SPRYD7: variants seen among roughly 807,000 people sequenced by gnomAD.
SPRYD7 encodes the protein SPRY domain-containing protein 7.
In SPRYD7, 14 loss-of-function variants were observed where a neutral mutation model predicts 23.8. That is an observed-to-expected ratio of 0.59 (90% CI 0.39 to 0.92). The LOEUF is 0.92. Ranked by LOEUF, SPRYD7 falls within the 40% of genes least tolerant of loss-of-function variation. The pLI, the probability that SPRYD7 is intolerant of heterozygous loss-of-function variation, is 0.00. For synonymous variants in SPRYD7, 75 were observed against 84.9 expected (o/e 0.88, Z 0.64); for missense variants, 194 against 241.7 (o/e 0.80, Z 1.31).
rs916247228 is a variant in SPRYD7 at position 49,913,546 on chromosome 13, A to C, written c.*1517T>G. On this transcript the variant is annotated 3_prime_UTR_variant, in exon 5 of 5. Transcript: ENST00000361840. ...ATTTTATTTTAATTTTTTTTGAGAC[A>C]GAGTCTCACTCTGTTGCCTAGGCTG... 5.9e-5 allele frequency: 9 copies of C among 151,728 alleles called. No homozygotes were observed. The highest frequency in any genetic ancestry group is 1.3e-4 in the Admixed American group (2 of 15,248). The allele number at this position is 151,728 out of a possible 1,614,324, so 9.4% of individuals were successfully genotyped here.
intron 3 of SPRYD7, among the ~76,000 whole-genome samples, chr13:49,925,850 T>C (rs894435396): frequency 2.0e-5 from 3 of 151,714 alleles, no homozygotes; most frequent in Non-Finnish European, 4.4e-5. Context: ...GAGCATAAAC[T>C]GTTTCATGTA....
chr13:49,919,118 G>A (rs577641957), intron 4 of SPRYD7, among the ~76,000 whole-genome samples: 1 of 151,874 alleles, frequency 6.6e-6, no homozygotes, highest in African/African-American at 2.4e-5. Flanking sequence ...TTTACTTAAA[G>A]TTGATAATAC....
chr13:49,935,895 G>T (rs1409536762), intron 1 of SPRYD7: 2 of 341,316 alleles, frequency 5.9e-6, no homozygotes, highest in Non-Finnish European at 1.1e-5. Flanking sequence ...GAAAATGGGA[G>T]GTCCACACGC....
At chr13:49,927,316 GA>G (rs1198367750) in intron 3 of SPRYD7, among the ~76,000 whole-genome samples, 3 of 151,978 alleles carry the variant, frequency 2.0e-5, no homozygotes, top group Non-Finnish European at 4.4e-5. Flanking sequence ...CCAACATGGC[GA>G]AACCCCGTCT....
At chr13:49,925,365 C>T (rs1955870464) in intron 3 of SPRYD7, among the ~76,000 whole-genome samples, 1 of 152,064 alleles carries the variant, frequency 6.6e-6, no homozygotes, top group African/African-American at 2.4e-5. Context: ...GCAATCCAGC[C>T]TGGGCAACAG....
intron 3 of SPRYD7, among the ~76,000 whole-genome samples, chr13:49,927,404 G>T (rs1477159174): frequency 6.6e-6 from 1 of 151,784 alleles, no homozygotes. Context: ...GCTGAGGCCG[G>T]AGAATAGCTT....
intron 3 of SPRYD7, among the ~76,000 whole-genome samples, chr13:49,922,546 A>G (rs8000415): frequency 0.96 from 145,406 of 152,118 alleles, 69,825 homozygotes; most frequent in Middle Eastern, 1. Context: ...TTAAATCCAT[A>G]CAGTATGGTT....
At chr13:49,918,953 T>C (rs1955784503) in intron 4 of SPRYD7, among the ~76,000 whole-genome samples, 1 of 151,540 alleles carries the variant, frequency 6.6e-6, no homozygotes, top group African/African-American at 2.4e-5. Flanking sequence ...TGACATCAAG[T>C]GATCCACCGG....
chr13:49,933,834 G>T (rs1022881112), intron 1 of SPRYD7, among the ~76,000 whole-genome samples: 2 of 151,926 alleles, frequency 1.3e-5, no homozygotes, highest in Admixed American at 6.6e-5. Flanking sequence ...CCAAATGAGC[G>T]GTGTCCCTTT....
intron 2 of SPRYD7, among the ~76,000 whole-genome samples, chr13:49,929,506 G>T (rs1319042974): frequency 2.6e-5 from 4 of 151,656 alleles, no homozygotes; most frequent in Admixed American, 6.6e-5. Context: ...TTTTGTATTT[G>T]TTTTTTTGAG....
In SPRYD7 at chr13:49,936,129, C is replaced by A. The variant is rs1303039896; in HGVS notation, c.106+1G>T. 1.3e-6 allele frequency: 2 copies of A among 1,595,856 alleles called. No homozygotes were observed. The highest frequency in any genetic ancestry group is 1.8e-4 in the Middle Eastern group (1 of 5,578). ...GGGTCTGGGGAAGGGAGGGCCCTTACCCATGTGCTGCGTGTCCAGCTGCAC... is the reference window on the plus strand; with the variant it reads ...GGGTCTGGGGAAGGGAGGGCCCTTAACCATGTGCTGCGTGTCCAGCTGCAC... On this transcript the variant is annotated splice_donor_variant, in intron 1 of 4. Transcript: ENST00000361840. LOFTEE classifies it high-confidence loss of function.
Position 49,936,256 on chromosome 13 carries a change from CG to C in SPRYD7, c.-22del. 6.4e-7 allele frequency: 1 copy of C among 1,572,090 alleles called. No homozygotes were observed. Among genetic ancestry groups the C allele is most frequent in the Non-Finnish European group, 8.6e-7 (1 of 1,156,370 alleles). ...GCCATCGCGCAGGGACCACCGACTC[CG>C]CCGCCGTCCCTAGACCGAGGCGACA... is the stretch of plus-strand genomic sequence containing the variant. On this transcript the variant is annotated 5_prime_UTR_variant, in exon 1 of 5. Transcript: ENST00000361840.
chr13:49,915,795 T>A (rs1955745189), intron 4 of SPRYD7, among the ~76,000 whole-genome samples: 1 of 152,232 alleles, frequency 6.6e-6, no homozygotes, highest in African/African-American at 2.4e-5. Flanking sequence ...ACAACCCTAA[T>A]GTCCATCAAC....
Position 49,921,598 on chromosome 13 carries a change from GA to G in SPRYD7, c.391-19del. The G allele has an allele frequency of 6.8e-7, 1 of 1,479,392 alleles. No individual in the cohort carries two copies. Among genetic ancestry groups the G allele is most frequent in the Non-Finnish European group, 9.4e-7 (1 of 1,059,048 alleles). 91.6% of individuals were successfully genotyped at this position (1,479,392 alleles called of 1,614,324 possible). ...GTAATACCCTAGGAAGGAAAAAACA[GA>G]AACGTTCCATAAAAGCTGAGCCGTC... is the stretch of plus-strand genomic sequence containing the variant. On this transcript the variant is annotated intron_variant, in intron 3 of 4. Transcript: ENST00000361840.
Position 49,913,857 on chromosome 13 carries a change from T to C in SPRYD7, c.*1206A>G, listed in dbSNP as rs9568354. 0.58 allele frequency: 88,108 copies of C among 152,084 alleles called. 28,745 individuals carry two copies. The highest frequency in any genetic ancestry group is 0.76 in the Non-Finnish European group (51,795 of 67,994). 9.4% of individuals were successfully genotyped at this position (152,084 alleles called of 1,614,324 possible). Reference sequence around the variant, plus strand: ...CCTATGATTATTAAGGTGTTATATATGTATTACCTTATTTAATCATAGAAT... The same window carrying C: ...CCTATGATTATTAAGGTGTTATATACGTATTACCTTATTTAATCATAGAAT... On this transcript the variant is annotated 3_prime_UTR_variant, in exon 5 of 5. Transcript: ENST00000361840.
At chr13:49,926,931 A>C (rs1448089424) in intron 3 of SPRYD7, among the ~76,000 whole-genome samples, 1 of 152,210 alleles carries the variant, frequency 6.6e-6, no homozygotes, top group African/African-American at 2.4e-5. Flanking sequence ...AAGTATCTGG[A>C]AAAGACAGAA....
intron 4 of SPRYD7, among the ~76,000 whole-genome samples, chr13:49,917,442 T>C (rs1032830879): frequency 2.0e-5 from 3 of 152,192 alleles, no homozygotes; most frequent in Admixed American, 2.0e-4. Flanking sequence ...TTCAGTGTTA[T>C]GCAGTCTTTT....
chr13:49,920,265 C>G (rs928865289), intron 4 of SPRYD7, among the ~76,000 whole-genome samples: 3 of 151,246 alleles, frequency 2.0e-5, no homozygotes, highest in Admixed American at 6.6e-5. Flanking sequence ...CAAAACAAAA[C>G]AAAACAAAAC....
In SPRYD7 at chr13:49,928,013, CTG is replaced by C; in HGVS notation, c.294_295del (p.His98GlnfsTer7). 6.2e-7 allele frequency: 1 copy of C among 1,614,212 alleles called. No homozygotes were observed. Among genetic ancestry groups the C allele is most frequent in the Non-Finnish European group, 8.5e-7 (1 of 1,180,034 alleles). On this transcript the variant is annotated frameshift_variant, in exon 3 of 5. Coordinates refer to ENST00000361840, the MANE Select transcript of SPRYD7 (RefSeq NM_020456.4). LOFTEE classifies it high-confidence loss of function. ...GGCTCCATCATTTCTCATCACCAGA[CTG>C]TGCATATCTCGGCCAAGAGGAATCT...
Sources: gnomAD v4.1 joint callset for allele counts (sites outside exome capture counted in the v4.1 genomes callset) on GRCh38, gnomAD v4.1.1 for gene constraint, MANE v1.5 for transcripts, NCBI Gene and HGNC (gene_info 2026-07-23, HGNC 2026-07-21) for gene names.